The following DHPS variants were observed in gnomAD, a reference collection of about 807,000 sequenced individuals.
The protein encoded by DHPS is migration-inducing gene 13.
Under a neutral mutation model 38.7 loss-of-function variants are expected in DHPS, and 24 were observed. The ratio of observed to expected loss-of-function variants is 0.62; its 90% confidence interval spans 0.45 to 0.87. DHPS has a LOEUF of 0.87. Among genes scored for constraint, DHPS ranks in the 40% least tolerant of loss-of-function variants. The pLI, the probability that DHPS is intolerant of heterozygous loss-of-function variation, is 0.00. For missense variants in DHPS, 510 were observed against 497.6 expected, an observed-to-expected ratio of 1.02 and a Z score of -0.24; for synonymous variants, 250 against 204.4, an observed-to-expected ratio of 1.22 and a Z score of -1.90.
downstream of DHPS, chr19:12,673,010 C>T (rs1361553581): frequency 1.2e-6 from 2 of 1,613,172 alleles, no homozygotes; most frequent in African/African-American, 2.7e-5. Context: ...CCCCCAAGGC[C>T]CCATCACCTG....
At chr19:12,675,456 C>T, downstream of DHPS, 1 of 1,562,624 alleles carries the variant, frequency 6.4e-7, no homozygotes. Flanking sequence ...TGGGGGGTGC[C>T]CAGGGACCTC....
At position 12,675,944 on chromosome 19, in the gene DHPS, G is replaced by T. The variant is rs1364254523; in HGVS notation, c.1015-11C>A. On this transcript the variant is annotated splice_polypyrimidine_tract_variant and intron_variant, in intron 8 of 8. Coordinates refer to ENST00000210060, the MANE Select transcript of DHPS (RefSeq NM_001930.4). ...GGCGTCAGCATAGACCTGGGTAGGG[G>T]GGAACCTGGGTAAGCCATGGGACCC... 1 of 1,603,000 alleles carries T rather than the reference G, an allele frequency of 6.2e-7. No homozygotes were observed. Among genetic ancestry groups the T allele is most frequent in the Non-Finnish European group, 8.5e-7 (1 of 1,173,554 alleles).
At chr19:12,681,109 G>C in intron 1 of DHPS, 1 of 1,277,090 alleles carries the variant, frequency 7.8e-7, no homozygotes, top group Middle Eastern at 2.1e-4. Flanking sequence ...TGGGATTATA[G>C]GCATGCGCCA....
At chr19:12,681,157 G>C in intron 1 of DHPS, 1 of 1,278,132 alleles carries the variant, frequency 7.8e-7, no homozygotes, top group Non-Finnish European at 1.0e-6. Flanking sequence ...AGGAATCAGA[G>C]AGCATCTCCT....
downstream of DHPS, among the ~76,000 whole-genome samples, chr19:12,673,759 C>T (rs569871067): frequency 2.6e-5 from 4 of 152,088 alleles, no homozygotes; most frequent in South Asian, 4.2e-4. Flanking sequence ...AATGCAGTGG[C>T]GCCATCTCAG....
chr19:12,674,369 CG>C (rs1409569723), downstream of DHPS, among the ~76,000 whole-genome samples: 2 of 152,068 alleles, frequency 1.3e-5, no homozygotes, highest in Non-Finnish European at 2.9e-5. Flanking sequence ...GGGTCAGAGC[CG>C]GGGGAATCTC....
intron 5 of DHPS, among the ~76,000 whole-genome samples, chr19:12,679,114 A>G (rs1040425345): frequency 6.6e-6 from 1 of 152,072 alleles, no homozygotes; most frequent in African/African-American, 2.4e-5. Flanking sequence ...TGGGAAACAC[A>G]GGGAGACCCC....
In DHPS at chr19:12,677,195, G is replaced by C; in HGVS notation, c.801C>G (p.Asn267Lys). The C allele has an allele frequency of 6.2e-7, 1 of 1,614,256 alleles. No individual in the cohort carries two copies. The highest frequency in any genetic ancestry group is 8.5e-7 in the Non-Finnish European group (1 of 1,180,048). ...TGCACTTGGCAAAGATGGCCTGTGT[G>C]TTGATGAGCCTCAGGTCTGGGGGAA... The part of the protein sequence containing the change: ...LDIVEDLRLI[N>K]TQAIFAKCTG... Residue 267 changes from asparagine to lysine, a missense_variant, in exon 7 of 9, where the codon AAC becomes AAG. Coordinates refer to ENST00000210060, the MANE Select transcript of DHPS (RefSeq NM_001930.4).
chr19:12,681,312 C>A (rs1047308505), intron 1 of DHPS: 1 of 1,155,598 alleles, frequency 8.7e-7, no homozygotes, highest in Non-Finnish European at 1.2e-6. Flanking sequence ...TACCTAGAAC[C>A]CGCCCCCACA....
chr19:12,681,596 G>T lies in DHPS; in HGVS notation c.171C>A (p.Thr57=), dbSNP rs2024816644. ...CTTGCTGTACAGCGCGCCCGAAGTT[G>T]GTTGCTTGGAAGCCGGTGGTGCCGA... ...EAFGTTGFQA[T]NFGRAVQQVN... The change falls in exon 1 of 9, where the codon ACC becomes ACA. Residue 57 remains threonine (T), a synonymous_variant. Coordinates refer to ENST00000210060, the MANE Select transcript of DHPS (RefSeq NM_001930.4). 1 of 1,614,256 alleles carries T rather than the reference G, an allele frequency of 6.2e-7. No individual in the cohort carries two copies. Among genetic ancestry groups the T allele is most frequent in the Non-Finnish European group, 8.5e-7 (1 of 1,180,046 alleles).
chr19:12,673,110 T>C, downstream of DHPS: 1 of 1,612,646 alleles, frequency 6.2e-7, no homozygotes, highest in Non-Finnish European at 8.5e-7. Flanking sequence ...GGGGAGCTGC[T>C]GGGCGAGTGA....
chr19:12,680,278 C>T lies in DHPS; in HGVS notation c.255G>A (p.Ala85=), dbSNP rs146415013. ...GTGGGCGGCGGCTCTGGGTCAGGTC[C>T]GCGTGCTGGTCTTCATCCTGTGACA... is the stretch of plus-strand genomic sequence containing the variant. ...EPLSQDEDQH[A]DLTQSRRPLT... Residue 85 remains alanine (A), a synonymous_variant, in exon 2 of 9, where the codon GCG becomes GCA. Coordinates refer to ENST00000210060, the MANE Select transcript of DHPS (RefSeq NM_001930.4). 15 of 1,614,112 alleles carry T rather than the reference C, an allele frequency of 9.3e-6. No individual in the cohort carries two copies. The highest frequency in any genetic ancestry group is 3.3e-4 in the Middle Eastern group (2 of 6,062).
chr19:12,679,321 CT>C, intron 5 of DHPS, 135 bp downstream of exon 5: 1 of 856,950 alleles, frequency 1.2e-6, no homozygotes, highest in Non-Finnish European at 1.9e-6. Context: ...ATTACCACGC[CT>C]ATCTGTGTTT....
chr19:12,673,521 G>T (rs142576345), downstream of DHPS, among the ~76,000 whole-genome samples: 1 of 148,490 alleles, frequency 6.7e-6, no homozygotes, highest in African/African-American at 2.5e-5. Context: ...AAGTTCAAGC[G>T]ATTCTCCTGC....
At chr19:12,673,401 G>A, downstream of DHPS, 4 of 577,856 alleles carry the variant, frequency 6.9e-6, no homozygotes, top group South Asian at 7.6e-5. Flanking sequence ...AGGGCCTGAA[G>A]GCTAGGATCT....
chr19:12,681,009 AT>A (rs763323383), intron 1 of DHPS: 2 of 601,696 alleles, frequency 3.3e-6, no homozygotes, highest in South Asian at 1.9e-5. Context: ...AATTTTTTGC[AT>A]TTTAGTAGAG....
intron 5 of DHPS, among the ~76,000 whole-genome samples, chr19:12,678,798 G>T (rs1599382364): frequency 3.8e-5 from 5 of 130,348 alleles, no homozygotes; most frequent in African/African-American, 1.1e-4. Context: ...AAAAGACTAT[G>T]TAGCTTTTTT....
At chr19:12,676,920 T>G in intron 7 of DHPS, 188 bp downstream of exon 7, 1 of 606,136 alleles carries the variant, frequency 1.6e-6, no homozygotes, top group Non-Finnish European at 3.0e-6. Context: ...TGCCATCATT[T>G]AGTATTCCCC....
At chr19:12,672,891 A>C, downstream of DHPS, 1 of 1,597,448 alleles carries the variant, frequency 6.3e-7, no homozygotes, top group Non-Finnish European at 8.5e-7. Flanking sequence ...AGGATGGGGC[A>C]GCTCTTCTCA....
Sources: gnomAD v4.1 joint callset for allele counts (sites outside exome capture counted in the v4.1 genomes callset) on GRCh38, gnomAD v4.1.1 for gene constraint, MANE v1.5 for transcripts, NCBI Gene and HGNC (gene_info 2026-07-23, HGNC 2026-07-21) for gene names.